LRMDA: variants seen among roughly 807,000 people sequenced by gnomAD.
LRMDA encodes leucine-rich melanocyte differentiation-associated protein.
LRMDA carries 18 observed loss-of-function variants against 29.8 expected under a neutral mutation model. The observed-to-expected ratio is 0.60, with a 90% CI of 0.42 to 0.90. LRMDA has a LOEUF of 0.90. Ranked by LOEUF, LRMDA falls within the 40% of genes least tolerant of loss-of-function variation. LRMDA has a pLI of 0.00. For synonymous variants in LRMDA, 125 were observed against 109.4 expected, an observed-to-expected ratio of 1.14 and a Z score of -0.89; for missense variants, 273 against 273.9, an observed-to-expected ratio of 1.00 and a Z score of 0.02.
At chr10:75,822,764 C>T (rs1259658539) in intron 2 of LRMDA, among the ~76,000 whole-genome samples, 2 of 152,010 alleles carry the variant, frequency 1.3e-5, no homozygotes, top group Non-Finnish European at 2.9e-5. Context: ...CTTACTCTTT[C>T]ACCCAAAGCT....
In LRMDA at chr10:75,788,876, T is replaced by C. The variant is rs536321387; in HGVS notation, c.132-247132T>C. On this transcript the variant is annotated intron_variant, in intron 2 of 6. Transcript: ENST00000611255. ...ACTGGATCTGCTTCCCCTGTTTAGG[T>C]TGTTAACTCTTGTCTCCTTTTCAAG... Among the ~76,000 whole-genome samples the C allele has an allele frequency of 9.8e-5, 15 of 152,392 alleles. No individual in the cohort carries two copies. The South Asian group carries it at 3.1e-3, about 32-fold the overall frequency.
chr10:76,125,491 C>T (rs1054020347), intron 5 of LRMDA, among the ~76,000 whole-genome samples: 1 of 152,170 alleles, frequency 6.6e-6, no homozygotes, highest in Non-Finnish European at 1.5e-5. Context: ...TTTTGTTTCT[C>T]ATTGTATCAC....
At chr10:75,493,310 G>C (rs1404462178) in intron 2 of LRMDA, among the ~76,000 whole-genome samples, 1 of 150,866 alleles carries the variant, frequency 6.6e-6, no homozygotes, top group East Asian at 1.9e-4. Context: ...GGCTCTTTGG[G>C]ATCTCCGTGA....
At position 76,114,271 on chromosome 10, in the gene LRMDA, G is replaced by A. The variant is rs140807106; in HGVS notation, c.516+55488G>A. ...GTAATCAATCATTGTGATTGACGGC[G>A]CTGATAGATTACACTATTTATACTT... On this transcript the variant is annotated intron_variant, in intron 5 of 6. Transcript: ENST00000611255. Among the ~76,000 whole-genome samples the A allele has an allele frequency of 3.5e-3, 531 of 152,298 alleles. 4 individuals are homozygous for A. The highest frequency in any genetic ancestry group is 0.012 in the African/African-American group (497 of 41,558).
intron 2 of LRMDA, among the ~76,000 whole-genome samples, chr10:75,673,363 G>A (rs189874835): frequency 6.6e-6 from 1 of 152,254 alleles, no homozygotes; most frequent in Non-Finnish European, 1.5e-5. Flanking sequence ...GACCTTAGAG[G>A]TCACCTGAAG....
At chr10:76,473,982 A>G (rs1293360710) in intron 6 of LRMDA, among the ~76,000 whole-genome samples, 1 of 151,656 alleles carries the variant, frequency 6.6e-6, no homozygotes, top group East Asian at 1.9e-4. Context: ...TACAATAATC[A>G]AGACAGTGTG....
chr10:75,980,985 T>C (rs1047153975), intron 2 of LRMDA, among the ~76,000 whole-genome samples: 3 of 152,234 alleles, frequency 2.0e-5, no homozygotes, highest in Non-Finnish European at 2.9e-5. Flanking sequence ...GAACTTCATC[T>C]AAAGTTGGCA....
At chr10:76,535,554 G>T (rs1052946498) in intron 6 of LRMDA, among the ~76,000 whole-genome samples, 12 of 151,842 alleles carry the variant, frequency 7.9e-5, no homozygotes, top group Non-Finnish European at 1.8e-4. Flanking sequence ...CTGCTCATGG[G>T]GTCAGTTATC....
chr10:75,927,886 A>G (rs564055537), intron 2 of LRMDA, among the ~76,000 whole-genome samples: 1 of 152,272 alleles, frequency 6.6e-6, no homozygotes, highest in Non-Finnish European at 1.5e-5. Flanking sequence ...TGGGAAAGTT[A>G]TTTAGCCTCT....
intron 2 of LRMDA, among the ~76,000 whole-genome samples, chr10:75,729,538 A>G (rs917180651): frequency 9.2e-5 from 14 of 152,170 alleles, no homozygotes; most frequent in Admixed American, 5.2e-4. Flanking sequence ...AATAATTCAA[A>G]TGTGACTGCT....
chr10:76,047,419 T>A (rs916135723), intron 4 of LRMDA, 116 bp downstream of exon 4: 2 of 1,086,122 alleles, frequency 1.8e-6, no homozygotes, highest in Admixed American at 3.8e-5. Context: ...GGGTTTCCCA[T>A]GACAATGTTA....
At chr10:76,270,834 C>T (rs1360554852) in intron 5 of LRMDA, 1 of 152,178 alleles carries the variant, frequency 6.6e-6, no homozygotes, top group Non-Finnish European at 1.5e-5. Context: ...ATCCTGTCCA[C>T]AAAGCTGGGG....
intron 2 of LRMDA, among the ~76,000 whole-genome samples, chr10:75,762,328 T>C (rs900162582): frequency 1.3e-5 from 2 of 152,256 alleles, no homozygotes; most frequent in Non-Finnish European, 1.5e-5. Context: ...AACACACATT[T>C]GTAAACTTTG....
intron 2 of LRMDA, among the ~76,000 whole-genome samples, chr10:76,020,808 A>G (rs549469288): frequency 6.6e-6 from 1 of 152,368 alleles, no homozygotes; most frequent in South Asian, 2.1e-4. Context: ...GGACATTTGC[A>G]CTAAATATGC....
intron 2 of LRMDA, among the ~76,000 whole-genome samples, chr10:75,989,475 G>T (rs1051231185): frequency 3.3e-5 from 5 of 152,186 alleles, no homozygotes; most frequent in African/African-American, 1.2e-4. Context: ...CTCCAAAGGG[G>T]ATGGTGTTAA....
chr10:76,111,024 GT>G (rs1849569859), intron 5 of LRMDA, among the ~76,000 whole-genome samples: 1 of 151,906 alleles, frequency 6.6e-6, no homozygotes, highest in Non-Finnish European at 1.5e-5. Flanking sequence ...ACGGGCCTTT[GT>G]TCATTTTGTT....
At chr10:75,805,702 A>C (rs1189648655) in intron 2 of LRMDA, among the ~76,000 whole-genome samples, 7 of 152,118 alleles carry the variant, frequency 4.6e-5, no homozygotes, top group Non-Finnish European at 1.5e-5. Context: ...TATTACTATC[A>C]ATTTCTACTT....
chr10:76,316,593 C>A (rs1840702497), intron 5 of LRMDA, among the ~76,000 whole-genome samples: 1 of 152,168 alleles, frequency 6.6e-6, no homozygotes, highest in Non-Finnish European at 1.5e-5. Flanking sequence ...AAACTGACAC[C>A]CTAAGGATCC....
At chr10:76,242,655 C>T (rs746086078) in intron 5 of LRMDA, among the ~76,000 whole-genome samples, 1 of 152,156 alleles carries the variant, frequency 6.6e-6, no homozygotes, top group Non-Finnish European at 1.5e-5. Context: ...AAGGGCCAAC[C>T]CTACTCCAGC....
Sources: gnomAD v4.1 joint callset for allele counts (sites outside exome capture counted in the v4.1 genomes callset) on GRCh38, gnomAD v4.1.1 for gene constraint, MANE v1.5 for transcripts, NCBI Gene and HGNC (gene_info 2026-07-23, HGNC 2026-07-21) for gene names.